The following TIGD5 variants were observed in gnomAD, a reference collection of about 807,000 sequenced individuals.
The protein encoded by TIGD5 is tigger transposable element-derived protein 5.
Under a neutral mutation model 28.8 loss-of-function variants are expected in TIGD5, and 24 were observed. The ratio of observed to expected loss-of-function variants is 0.83; its 90% CI spans 0.60 to 1.17. The LOEUF (loss-of-function observed/expected upper bound fraction) is 1.17, where lower values mean the gene tolerates loss of function less well. Ranked by LOEUF, TIGD5 falls within the 50% of genes most tolerant of loss-of-function variation. The pLI is 0.00. For missense variants in TIGD5, 922 were observed against 911.4 expected, an observed-to-expected ratio of 1.01 and a Z score of -0.15; for synonymous variants, 538 against 430.5, an observed-to-expected ratio of 1.25 and a Z score of -3.09.
chr8:143,598,654 G>A lies in TIGD5; in HGVS notation c.751G>A (p.Glu251Lys). 6.7e-7 allele frequency: 1 copy of A among 1,500,598 alleles called. No individual in the cohort carries two copies. The highest frequency in any genetic ancestry group is 8.8e-7 in the Non-Finnish European group (1 of 1,135,742). 93.0% of individuals were successfully genotyped at this position (1,500,598 alleles called of 1,614,324 possible). The change falls in exon 1 of 1, where the codon GAG becomes AAG. Residue 251 changes from glutamate (E) to lysine (K), a missense_variant. By Grantham distance (56) the Glu-to-Lys change is moderately conservative. Coordinates refer to ENST00000504548, the MANE Select transcript of TIGD5 (RefSeq NM_032862.5). This position sits in a 1 kb window ranked among gnomAD's most constrained non-coding sequence, Gnocchi z 6.6. ...CGGCCTCTACTGGAAGCTGCTTCCG[G>A]AGCAGGCTGCGCCCCCGGGCGCAGG... ...VTGLYWKLLPEQAAPPGAGDP... is the reference protein window; with the variant it reads ...VTGLYWKLLPKQAAPPGAGDP...
Position 143,599,524 on chromosome 8 carries a change from C to A in TIGD5, c.1621C>A (p.Pro541Thr). The change falls in exon 1 of 1, where the codon CCG (proline) becomes ACG (threonine). Residue 541 changes from proline (P) to threonine (T), a missense_variant. Around this residue, in one of 3 missense-constraint regions of TIGD5, gnomAD observed 821 missense variants for 815.2 expected, o/e 1.01. Coordinates refer to ENST00000504548, the MANE Select transcript of TIGD5 (RefSeq NM_032862.5). ...EWLHLDDDGG[P>T]PEGCREEVGP... ...GCTGCACCTGGACGATGATGGGGGT[C>A]CGCCCGAGGGCTGCAGGGAGGAGGT... 1 of 1,584,160 alleles carries A rather than the reference C, an allele frequency of 6.3e-7. No individual in the cohort carries two copies. Among genetic ancestry groups the A allele is most frequent in the Non-Finnish European group, 8.6e-7 (1 of 1,166,526 alleles).
Position 143,599,174 on chromosome 8 carries a change from C to T in TIGD5, c.1271C>T (p.Ala424Val), listed in dbSNP as rs751225131. 1 of 1,609,630 alleles carries T rather than the reference C, an allele frequency of 6.2e-7. No individual in the cohort carries two copies. The highest frequency in any genetic ancestry group is 8.5e-7 in the Non-Finnish European group (1 of 1,179,012). ...PAPLEQGVVA[A>V]FKQLYKRELL... ...CCGCTGGAGCAGGGCGTGGTGGCCG[C>T]CTTCAAACAGCTGTACAAGCGCGAG... Residue 424 changes from alanine to valine, a missense_variant, in exon 1 of 1, where the codon GCC (alanine) becomes GTC (valine). Around this residue, in one of 3 missense-constraint regions of TIGD5, gnomAD observed 821 missense variants for 815.2 expected, o/e 1.01. Transcript: ENST00000504548.
In TIGD5 at chr8:143,598,761, C is replaced by T. The variant is rs756001034; in HGVS notation, c.858C>T (p.Ser286=). The T allele has an allele frequency of 1.9e-6, 3 of 1,589,048 alleles. No homozygotes were observed. Among genetic ancestry groups the T allele is most frequent in the Non-Finnish European group, 2.6e-6 (3 of 1,174,632 alleles). The change falls in exon 1 of 1, where the codon AGC becomes AGT. Residue 286 remains serine, a synonymous_variant. Transcript: ENST00000504548. This position sits in a 1 kb window ranked among gnomAD's most constrained non-coding sequence, Gnocchi z 6.6. ...TVLLAANLTG[S]HKLKPLVIGR... ...TGCTGGCCGCAAACCTGACCGGCAG[C>T]CACAAGCTGAAGCCGCTGGTCATCG...
At position 143,599,361 on chromosome 8, in the gene TIGD5, G is replaced by A; in HGVS notation, c.1458G>A (p.Glu486=). ...CWLLGLRAAF[E]PRPGEDSAGQ... ...TGCTGGGCCTGCGGGCTGCCTTCGA[G>A]CCCCGGCCCGGCGAGGACAGTGCTG... The change falls in exon 1 of 1, where the codon GAG becomes GAA. Residue 486 remains glutamate (E), a synonymous_variant. Coordinates refer to ENST00000504548, the MANE Select transcript of TIGD5 (RefSeq NM_032862.5). The A allele has an allele frequency of 6.3e-7, 1 of 1,577,706 alleles. No individual in the cohort carries two copies. The highest frequency in any genetic ancestry group is 8.6e-7 in the Non-Finnish European group (1 of 1,163,078).
Position 143,600,081 on chromosome 8 carries a change from G to A in TIGD5, c.*249G>A, listed in dbSNP as rs567803318. The A allele has an allele frequency of 5.2e-5, 21 of 407,206 alleles. 1 individual carries two copies. In the East Asian group the frequency reaches 7.3e-4, roughly 14 times the overall value. The allele number at this position is 407,206 out of a possible 1,614,324, so 25.2% of individuals were successfully genotyped here. The stretch of plus-strand genomic sequence containing the variant: ...CCTCTCAGGGCAGGCACATGTACGG[G>A]GCATACAAGGCACAGCGCCTGTTGG... On this transcript the variant is annotated 3_prime_UTR_variant, in exon 1 of 1. Transcript: ENST00000504548.
Position 143,599,560 on chromosome 8 carries a change from C to T in TIGD5, c.1657C>T (p.Leu553=), listed in dbSNP as rs756275639. 6.4e-7 allele frequency: 1 copy of T among 1,560,080 alleles called. No individual in the cohort carries two copies. Among genetic ancestry groups the T allele is most frequent in the African/African-American group, 1.4e-5 (1 of 73,734 alleles). ...CTGCAGGGAGGAGGTGGGCCCAGCCCTGCCCCCTGCAGCGCCTCCGGCCCC... is the reference window on the plus strand; with the variant it reads ...CTGCAGGGAGGAGGTGGGCCCAGCCTTGCCCCCTGCAGCGCCTCCGGCCCC... ...EGCREEVGPA[L]PPAAPPAPAS... The change falls in exon 1 of 1, where the codon CTG becomes TTG. Residue 553 remains leucine, a synonymous_variant. Coordinates refer to ENST00000504548, the MANE Select transcript of TIGD5 (RefSeq NM_032862.5).
In TIGD5 at chr8:143,598,325, C is replaced by T. The variant is rs762249417; in HGVS notation, c.422C>T (p.Pro141Leu). Residue 141 changes from proline to leucine, a missense_variant, in exon 1 of 1, where the codon CCG (proline) becomes CTG (leucine). This residue lies in a region of TIGD5 where 821 missense variants were observed against 815.2 expected (regional missense o/e 1.01). Transcript: ENST00000504548. The surrounding 1 kb of genome is among the most constrained non-coding windows in gnomAD (Gnocchi z 6.6). ...WFLALRQHGV[P>L]LSGPLIQAQA... is the part of the protein sequence containing the mutation. Reference sequence around the variant, plus strand: ...CTGGCGCTGCGCCAGCACGGGGTGCCGCTGTCTGGCCCGCTCATCCAGGCG... The same window carrying T: ...CTGGCGCTGCGCCAGCACGGGGTGCTGCTGTCTGGCCCGCTCATCCAGGCG... 5 of 1,607,050 alleles carry T rather than the reference C, an allele frequency of 3.1e-6. No homozygotes were observed. The highest frequency in any genetic ancestry group is 1.1e-5 in the South Asian group (1 of 90,500).
At position 143,599,726 on chromosome 8, in the gene TIGD5, G is replaced by A. The variant is rs781071197; in HGVS notation, c.1823G>A (p.Arg608Lys). 5 of 1,506,072 alleles carry A rather than the reference G, an allele frequency of 3.3e-6. No homozygotes were observed. The highest frequency in any genetic ancestry group is 2.7e-5 in the South Asian group (2 of 75,220). The allele number at this position is 1,506,072 out of a possible 1,614,324, so 93.3% of individuals were successfully genotyped here. ...CGGTGGCTGGAGAACCAGGACCCCA[G>A]AGAGGTGGGGCCACTGAGGCTGGTG... ...ALRWLENQDP[R>K]EVGPLRLVQL... Residue 608 changes from arginine (R) to lysine (K), a missense_variant, in exon 1 of 1, where the codon AGA (arginine) becomes AAA (lysine). Arg to Lys is a conservative substitution (Grantham distance 26). Around this residue, in one of 3 missense-constraint regions of TIGD5, gnomAD observed 821 missense variants for 815.2 expected, o/e 1.01. Coordinates refer to ENST00000504548, the MANE Select transcript of TIGD5 (RefSeq NM_032862.5).
chr8:143,598,068 C>G lies in TIGD5; in HGVS notation c.165C>G (p.Ala55=), dbSNP rs1479626565. The G allele has an allele frequency of 1.3e-6, 2 of 1,498,596 alleles. No homozygotes were observed. The highest frequency in any genetic ancestry group is 1.8e-6 in the Non-Finnish European group (2 of 1,129,906). The allele number at this position is 1,498,596 out of a possible 1,614,324, so 92.8% of individuals were successfully genotyped here. The change falls in exon 1 of 1, where the codon GCC becomes GCG. Residue 55 remains alanine, a synonymous_variant. Coordinates refer to ENST00000504548, the MANE Select transcript of TIGD5 (RefSeq NM_032862.5). The surrounding 1 kb of genome is among the most constrained non-coding windows in gnomAD (Gnocchi z 6.6). Reference sequence around the variant, plus strand: ...CCGTGAAGATGGCCTTCCGCAAGGCCTACTCCATCAAGGACAAGCTGCAGG... The same window carrying G: ...CCGTGAAGATGGCCTTCCGCAAGGCGTACTCCATCAAGGACAAGCTGCAGG... The part of the protein sequence containing the change: ...RVAVKMAFRK[A]YSIKDKLQAI...
chr8:143,598,755 C>A lies in TIGD5; in HGVS notation c.852C>A (p.Thr284=). 1 of 1,583,538 alleles carries A rather than the reference C, an allele frequency of 6.3e-7. No homozygotes were observed. The highest frequency in any genetic ancestry group is 8.5e-7 in the Non-Finnish European group (1 of 1,171,926). The change falls in exon 1 of 1, where the codon ACC becomes ACA. Residue 284 remains threonine, a synonymous_variant. Coordinates refer to ENST00000504548, the MANE Select transcript of TIGD5 (RefSeq NM_032862.5). This position sits in a 1 kb window ranked among gnomAD's most constrained non-coding sequence, Gnocchi z 6.6. ...RVTVLLAANL[T]GSHKLKPLVI... is the part of the protein sequence containing the mutation. ...CGGTGCTGCTGGCCGCAAACCTGAC[C>A]GGCAGCCACAAGCTGAAGCCGCTGG... is the stretch of plus-strand genomic sequence containing the variant.
In TIGD5 at chr8:143,597,892, C is replaced by A; in HGVS notation, c.-12C>A. On this transcript the variant is annotated 5_prime_UTR_variant, in exon 1 of 1. Transcript: ENST00000504548. The stretch of plus-strand genomic sequence containing the variant: ...CGCGACCCGCGCGGCCCGGGTCCCC[C>A]CCGCCGCAGCCATGTACCCCGCGGG... The A allele has an allele frequency of 1.2e-6, 1 of 855,694 alleles. No individual in the cohort carries two copies. The highest frequency in any genetic ancestry group is 1.4e-6 in the Non-Finnish European group (1 of 714,036). The allele number at this position is 855,694 out of a possible 1,614,324, so 53.0% of individuals were successfully genotyped here.
At position 143,599,739 on chromosome 8, in the gene TIGD5, A is replaced by G. The variant is rs1829229849; in HGVS notation, c.1836A>G (p.Pro612=). 10 of 1,501,802 alleles carry G rather than the reference A, an allele frequency of 6.7e-6. No individual in the cohort carries two copies. Among genetic ancestry groups the G allele is most frequent in the Non-Finnish European group, 6.2e-6 (7 of 1,134,044 alleles). The allele number at this position is 1,501,802 out of a possible 1,614,324, so 93.0% of individuals were successfully genotyped here. A position where few individuals can be genotyped will look rare whatever the true frequency, so the allele number is the denominator to read the frequency against. Residue 612 remains proline (P), a synonymous_variant, in exon 1 of 1, where the codon CCA becomes CCG. Transcript: ENST00000504548. The part of the protein sequence containing the change: ...LENQDPREVG[P]LRLVQLRSLI... Reference sequence around the variant, plus strand: ...ACCAGGACCCCAGAGAGGTGGGGCCACTGAGGCTGGTGCAGTTGCGCTCAC... The same window carrying G: ...ACCAGGACCCCAGAGAGGTGGGGCCGCTGAGGCTGGTGCAGTTGCGCTCAC...
chr8:143,598,498 C>T lies in TIGD5; in HGVS notation c.595C>T (p.Pro199Ser). 1 of 1,369,834 alleles carries T rather than the reference C, an allele frequency of 7.3e-7. No individual in the cohort carries two copies. The highest frequency in any genetic ancestry group is 9.4e-7 in the Non-Finnish European group (1 of 1,067,486). The allele number at this position is 1,369,834 out of a possible 1,614,324, so 84.9% of individuals were successfully genotyped here. ...EAGPPAPSPA[P>S]GPPVKEEPAL... Reference sequence around the variant, plus strand: ...CGGGCCCCCAGCCCCGAGCCCCGCGCCCGGCCCGCCCGTCAAGGAGGAGCC... The same window carrying T: ...CGGGCCCCCAGCCCCGAGCCCCGCGTCCGGCCCGCCCGTCAAGGAGGAGCC... Residue 199 changes from proline to serine, a missense_variant, in exon 1 of 1, where the codon CCC (proline) becomes TCC (serine). By Grantham distance (74) the Pro-to-Ser change is moderately conservative. Around this residue, in one of 3 missense-constraint regions of TIGD5, gnomAD observed 821 missense variants for 815.2 expected, o/e 1.01. Transcript: ENST00000504548. The surrounding 1 kb of genome is among the most constrained non-coding windows in gnomAD (Gnocchi z 6.6).
rs776799742 is a variant in TIGD5 at position 143,599,843 on chromosome 8, C to G, written c.*11C>G. Reference sequence around the variant, plus strand: ...TATGACGGTGTGTGACCAGGCCAGCCCAGTGACCTTTCTCCTGCTGCACTT... The same window carrying G: ...TATGACGGTGTGTGACCAGGCCAGCGCAGTGACCTTTCTCCTGCTGCACTT... On this transcript the variant is annotated 3_prime_UTR_variant, in exon 1 of 1. Transcript: ENST00000504548. 6.9e-7 allele frequency: 1 copy of G among 1,457,202 alleles called. No individual in the cohort carries two copies. Among genetic ancestry groups the G allele is most frequent in the Non-Finnish European group, 9.0e-7 (1 of 1,114,580 alleles). The allele number at this position is 1,457,202 out of a possible 1,614,324, so 90.3% of individuals were successfully genotyped here. A position where few individuals can be genotyped will look rare whatever the true frequency, so the allele number is the denominator to read the frequency against.
In TIGD5 at chr8:143,599,813, G is replaced by A. The variant is rs973083094; in HGVS notation, c.1910G>A (p.Gly637Asp). 3.4e-6 allele frequency: 5 copies of A among 1,482,598 alleles called. No homozygotes were observed. Among genetic ancestry groups the A allele is most frequent in the African/African-American group, 1.4e-5 (1 of 70,504 alleles). The allele number at this position is 1,482,598 out of a possible 1,614,324, so 91.8% of individuals were successfully genotyped here. ...GGGGGCATCGGGCATACCCCAGCAG[G>A]CCCCTATGACGGTGTGTGACCAGGC... The part of the protein sequence containing the change: ...RLGGIGHTPA[G>D]PYDGV Residue 637 changes from glycine (G) to aspartate (D), a missense_variant, in exon 1 of 1, where the codon GGC becomes GAC. Physicochemically the swap from Gly to Asp is moderately conservative, Grantham distance 94. Around this residue, in one of 3 missense-constraint regions of TIGD5, gnomAD observed 821 missense variants for 815.2 expected, o/e 1.01. Coordinates refer to ENST00000504548, the MANE Select transcript of TIGD5 (RefSeq NM_032862.5).
At position 143,600,003 on chromosome 8, in the gene TIGD5, C is replaced by T; in HGVS notation, c.*171C>T. On this transcript the variant is annotated 3_prime_UTR_variant, in exon 1 of 1. Coordinates refer to ENST00000504548, the MANE Select transcript of TIGD5 (RefSeq NM_032862.5). ...GGAGCTCTGTTGGTGAGAGGTCGCCCTGCCTCACTGGCACCCTGGGGGCAC... is the reference window on the plus strand; with the variant it reads ...GGAGCTCTGTTGGTGAGAGGTCGCCTTGCCTCACTGGCACCCTGGGGGCAC... 4.5e-6 allele frequency: 3 copies of T among 667,640 alleles called. No individual in the cohort carries two copies. The highest frequency in any genetic ancestry group is 6.5e-6 in the Non-Finnish European group (3 of 459,708). The allele number at this position is 667,640 out of a possible 1,614,324, so 41.4% of individuals were successfully genotyped here. A position where few individuals can be genotyped will look rare whatever the true frequency, so the allele number is the denominator to read the frequency against.
In TIGD5 at chr8:143,599,897, C is replaced by T. The variant is rs548562737; in HGVS notation, c.*65C>T. On this transcript the variant is annotated 3_prime_UTR_variant, in exon 1 of 1. Transcript: ENST00000504548. ...GGGAGGGGACATACACACAGTCTCC[C>T]ATCTCTCCTCCCCTCCCCCTGGGGT... is the stretch of plus-strand genomic sequence containing the variant. 37 of 1,409,388 alleles carry T rather than the reference C, an allele frequency of 2.6e-5. No individual in the cohort carries two copies. The South Asian group carries it at 6.0e-4, about 23-fold the overall frequency. The allele number at this position is 1,409,388 out of a possible 1,614,324, so 87.3% of individuals were successfully genotyped here. A position where few individuals can be genotyped will look rare whatever the true frequency, so the allele number is the denominator to read the frequency against.
rs751560121 is a variant in TIGD5, at chr8:143,599,724, C to T, written c.1821C>T (p.Pro607=). 145 of 1,506,368 alleles carry T rather than the reference C, an allele frequency of 9.6e-5. No individual in the cohort carries two copies. The highest frequency in any genetic ancestry group is 1.2e-4 in the Non-Finnish European group (132 of 1,135,186). 93.3% of individuals were successfully genotyped at this position (1,506,368 alleles called of 1,614,324 possible). ...TGCGGTGGCTGGAGAACCAGGACCC[C>T]AGAGAGGTGGGGCCACTGAGGCTGG... ...TALRWLENQD[P]REVGPLRLVQ... The change falls in exon 1 of 1, where the codon CCC becomes CCT. Residue 607 remains proline, a synonymous_variant. Transcript: ENST00000504548.
chr8:143,599,598 C>G lies in TIGD5; in HGVS notation c.1695C>G (p.Pro565=). 4 of 1,533,780 alleles carry G rather than the reference C, an allele frequency of 2.6e-6. No homozygotes were observed. Among genetic ancestry groups the G allele is most frequent in the Non-Finnish European group, 3.5e-6 (4 of 1,143,242 alleles). Residue 565 remains proline (P), a synonymous_variant, in exon 1 of 1, where the codon CCC becomes CCG. Coordinates refer to ENST00000504548, the MANE Select transcript of TIGD5 (RefSeq NM_032862.5). Reference sequence around the variant, plus strand: ...CGCCTCCGGCCCCAGCCAGTCTGCCCTCTGCCATGGGGGGCGGAGAGGACG... The same window carrying G: ...CGCCTCCGGCCCCAGCCAGTCTGCCGTCTGCCATGGGGGGCGGAGAGGACG... ...PAAPPAPASL[P]SAMGGGEDEE...
Sources: gnomAD v4.1 joint callset for allele counts on GRCh38, gnomAD v4.1.1 for gene constraint, gnomAD v4.1.1 regional missense constraint, Gnocchi (gnomAD v3.1) non-coding constraint, MANE v1.5 for transcripts, NCBI Gene and HGNC (gene_info 2026-07-23, HGNC 2026-07-21) for gene names.